Variants in LTBP1 observed in about 807,000 individuals in gnomAD.
LTBP1 encodes the protein latent transforming growth factor beta binding protein 1.
In LTBP1, 129 loss-of-function variants were observed where a neutral mutation model predicts 207.6. The ratio of observed to expected loss-of-function variants is 0.62; its 90% CI spans 0.54 to 0.72. The LOEUF (loss-of-function observed/expected upper bound fraction) is 0.72, where lower values mean the gene tolerates loss of function less well. LTBP1 is among the 30% of genes least tolerant of loss of function. LTBP1 has a pLI of 0.00. For synonymous variants in LTBP1, 963 were observed against 833.7 expected, an observed-to-expected ratio of 1.16 and a Z score of -2.67; for missense variants, 2,281 against 2,217.2, an observed-to-expected ratio of 1.03 and a Z score of -0.58.
chr2:33,220,312 G>A (rs183821832), intron 8 of LTBP1, among the ~76,000 whole-genome samples: 11 of 148,744 alleles, frequency 7.4e-5, no homozygotes, highest in African/African-American at 2.7e-4. Flanking sequence ...GGCTTTCTAC[G>A]CTATGGTTTT....
intron 5 of LTBP1, among the ~76,000 whole-genome samples, chr2:33,164,433 C>T (rs937333081): frequency 4.0e-5 from 6 of 149,066 alleles, no homozygotes; most frequent in South Asian, 2.1e-4. Flanking sequence ...GTTCCCATAC[C>T]GGGAACCAAA....
chr2:33,109,571 G>C (rs1300404744), intron 3 of LTBP1, among the ~76,000 whole-genome samples: 1 of 152,172 alleles, frequency 6.6e-6, no homozygotes, highest in Non-Finnish European at 1.5e-5. Flanking sequence ...CAGAAAACAA[G>C]GGTTGGGCCA....
At chr2:33,028,912 A>C (rs1427017782) in intron 3 of LTBP1, among the ~76,000 whole-genome samples, 1 of 152,222 alleles carries the variant, frequency 6.6e-6, no homozygotes, top group East Asian at 1.9e-4. Flanking sequence ...AAAATTACTG[A>C]AACTGGTACT....
chr2:33,323,465 C>T (rs1030143054), intron 24 of LTBP1, among the ~76,000 whole-genome samples: 2 of 152,064 alleles, frequency 1.3e-5, no homozygotes, highest in African/African-American at 4.8e-5. Context: ...GATGAAACCC[C>T]ATCTCTACTA....
chr2:33,085,971 T>G (rs2078731935), intron 3 of LTBP1, among the ~76,000 whole-genome samples: 2 of 152,190 alleles, frequency 1.3e-5, no homozygotes, highest in South Asian at 4.1e-4. Context: ...AATAGCACCA[T>G]GCAGATGGTC....
intron 3 of LTBP1, among the ~76,000 whole-genome samples, chr2:33,024,861 G>T (rs950036043): frequency 1.3e-5 from 2 of 152,214 alleles, no homozygotes; most frequent in Non-Finnish European, 2.9e-5. Context: ...CTGACAGTCT[G>T]TGTCAGGAAT....
At chr2:33,183,556 C>A (rs1481101384) in intron 5 of LTBP1, among the ~76,000 whole-genome samples, 5 of 152,176 alleles carry the variant, frequency 3.3e-5, no homozygotes, top group African/African-American at 1.2e-4. Context: ...GAAGTCTGAA[C>A]CACGTTGTCG....
intron 3 of LTBP1, among the ~76,000 whole-genome samples, chr2:33,028,161 T>C (rs1274823042): frequency 6.6e-6 from 1 of 152,132 alleles, no homozygotes; most frequent in African/African-American, 2.4e-5. Flanking sequence ...GGTCACTGCC[T>C]CACACTTCTG....
intron 25 of LTBP1, among the ~76,000 whole-genome samples, chr2:33,347,078 TC>T (rs2094712778): frequency 7.5e-6 from 1 of 134,110 alleles, no homozygotes; most frequent in Non-Finnish European, 1.5e-5. Flanking sequence ...AGATCGCGCC[TC>T]TGCACTCCAG....
chr2:33,312,188 G>T (rs778749564), intron 23 of LTBP1, among the ~76,000 whole-genome samples: 6 of 152,184 alleles, frequency 3.9e-5, no homozygotes, highest in Non-Finnish European at 8.8e-5. Context: ...TCTGTGGAGA[G>T]GTGTAGATTT....
chr2:33,036,586 T>TA (rs2075937873), intron 3 of LTBP1, among the ~76,000 whole-genome samples: 1 of 152,092 alleles, frequency 6.6e-6, no homozygotes, highest in African/African-American at 2.4e-5. Context: ...GCCTCCCAAG[T>TA]AGCTGGGATT....
chr2:33,177,176 C>T (rs1232318549), intron 5 of LTBP1, among the ~76,000 whole-genome samples: 7 of 152,196 alleles, frequency 4.6e-5, no homozygotes, highest in Non-Finnish European at 1.0e-4. Flanking sequence ...CATGGTGAGA[C>T]AGTTACATTA....
chr2:33,375,898 A>T (rs1166510233), intron 31 of LTBP1, among the ~76,000 whole-genome samples: 1 of 152,014 alleles, frequency 6.6e-6, no homozygotes, highest in Non-Finnish European at 1.5e-5. Flanking sequence ...TAAAACCTAG[A>T]TATTCCTAAG....
At chr2:32,990,958 T>G (rs1684313717) in intron 2 of LTBP1, among the ~76,000 whole-genome samples, 1 of 152,200 alleles carries the variant, frequency 6.6e-6, no homozygotes, top group Admixed American at 6.5e-5. Flanking sequence ...CTCTCACAGA[T>G]AAACAGTTTA....
intron 2 of LTBP1, among the ~76,000 whole-genome samples, chr2:33,014,598 C>T (rs1688105721): frequency 6.6e-6 from 1 of 152,190 alleles, no homozygotes; most frequent in African/African-American, 2.4e-5. Flanking sequence ...GGCAGAGAGT[C>T]ACACTGTTTG....
At chr2:33,198,868 T>C (rs2088870121) in intron 7 of LTBP1, among the ~76,000 whole-genome samples, 1 of 152,230 alleles carries the variant, frequency 6.6e-6, no homozygotes, top group South Asian at 2.1e-4. Flanking sequence ...TTCATTAATT[T>C]TTTGAAGGGT....
At chr2:33,391,912 C>G (rs371130472) in intron 32 of LTBP1, among the ~76,000 whole-genome samples, 1 of 152,186 alleles carries the variant, frequency 6.6e-6, no homozygotes, top group Admixed American at 6.5e-5. Context: ...CCAGCTTGGA[C>G]GATGTAATGG....
chr2:32,953,180 C>A (rs556966224), intron 2 of LTBP1, among the ~76,000 whole-genome samples: 57 of 152,312 alleles, frequency 3.7e-4, no homozygotes, highest in African/African-American at 1.3e-3. Context: ...GCAAAGGAGA[C>A]AGAGTCACAT....
intron 3 of LTBP1, among the ~76,000 whole-genome samples, chr2:33,097,183 C>T (rs745495336): frequency 2.0e-4 from 31 of 152,060 alleles, no homozygotes; most frequent in Non-Finnish European, 3.8e-4. Flanking sequence ...ATGTATCCAC[C>T]GTGGTCTCTA....
Sources: gnomAD v4.1 joint callset for allele counts (sites outside exome capture counted in the v4.1 genomes callset) on GRCh38, gnomAD v4.1.1 for gene constraint, MANE v1.5 for transcripts, NCBI Gene and HGNC (gene_info 2026-07-23, HGNC 2026-07-21) for gene names.